Variants in DUS2 observed in about 807,000 individuals in gnomAD.
The protein encoded by DUS2 is tRNA-dihydrouridine(20) synthase [NAD(P)+]-like.
DUS2 carries 52 observed loss-of-function variants against 71.3 expected under a neutral mutation model. That is an observed-to-expected ratio of 0.73 (90% CI 0.58 to 0.92). DUS2 has a LOEUF of 0.92. DUS2 is among the 40% of genes least tolerant of loss of function. The pLI is 0.00. For synonymous variants in DUS2, 204 were observed against 227.8 expected (o/e 0.90, Z 0.94); for missense variants, 558 against 622.6 (o/e 0.90, Z 1.10).
At chr16:68,038,224 A>T (rs2033564070) in intron 3 of DUS2, 75 bp downstream of exon 3, 10 of 1,586,092 alleles carry the variant, frequency 6.3e-6, no homozygotes, top group Admixed American at 1.8e-5. Context: ...GGGAGTGGTC[A>T]GGAGTTAGTG....
intron 3 of DUS2, among the ~76,000 whole-genome samples, chr16:68,044,854 G>A (rs548210708): frequency 1.6e-3 from 235 of 151,134 alleles, no homozygotes; most frequent in Non-Finnish European, 2.9e-3. Context: ...GTGCAGTGGC[G>A]CAATCTCAGC....
chr16:68,025,790 C>A (rs2151405920), intron 2 of DUS2, among the ~76,000 whole-genome samples: 1 of 152,166 alleles, frequency 6.6e-6, no homozygotes, highest in African/African-American at 2.4e-5. Flanking sequence ...GGAAAGGTAT[C>A]CTTATTGTGA....
intron 12 of DUS2, among the ~76,000 whole-genome samples, chr16:68,073,239 T>C (rs1278732862): frequency 1.3e-5 from 2 of 152,208 alleles, no homozygotes; most frequent in Non-Finnish European, 2.9e-5. Context: ...GAAGAGTAGA[T>C]GACCAAGGTC....
At chr16:68,030,523 G>A (rs1472514799) in intron 2 of DUS2, among the ~76,000 whole-genome samples, 6 of 152,032 alleles carry the variant, frequency 3.9e-5, no homozygotes, top group Non-Finnish European at 7.4e-5. Flanking sequence ...CCTCGGAGGT[G>A]GAGATTGCAG....
Position 68,078,758 on chromosome 16 carries a change from C to T in DUS2, c.1254C>T (p.Ser418=), listed in dbSNP as rs867099742. The change falls in exon 17 of 17, where the codon TCC becomes TCT. Residue 418 remains serine, a synonymous_variant. Coordinates refer to ENST00000565263, the MANE Select transcript of DUS2 (RefSeq NM_017803.5). ...QKYQSTLWDK[S]KKLAEQAAAI... is the part of the protein sequence containing the mutation. ...CCCTCTGTCTGCTCAGGGACAAGTCCAAGAAACTGGCGGAGCAGGCTGCAG... is the reference window on the plus strand; with the variant it reads ...CCCTCTGTCTGCTCAGGGACAAGTCTAAGAAACTGGCGGAGCAGGCTGCAG... The T allele has an allele frequency of 1.2e-6, 2 of 1,607,696 alleles. No homozygotes were observed. Among genetic ancestry groups the T allele is most frequent in the Middle Eastern group, 3.3e-4 (2 of 6,002 alleles).
In DUS2 at chr16:68,023,298, A is replaced by T. The variant is rs551467589; in HGVS notation, c.-152A>T. 2 of 1,380,120 alleles carry T rather than the reference A, an allele frequency of 1.4e-6. No individual in the cohort carries two copies. The highest frequency in any genetic ancestry group is 2.0e-6 in the Non-Finnish European group (2 of 1,022,860). The allele number at this position is 1,380,120 out of a possible 1,614,324, so 85.5% of individuals were successfully genotyped here. On this transcript the variant is annotated 5_prime_UTR_variant, in exon 1 of 17. Transcript: ENST00000565263. ...TGGCGAGGCTCAGTACGGTGTGTGG[A>T]GCTGGAGCACCGTGAGGAAGAAGCG...
intron 4 of DUS2, among the ~76,000 whole-genome samples, chr16:68,052,628 A>G (rs1373531298): frequency 6.6e-6 from 1 of 151,928 alleles, no homozygotes; most frequent in Non-Finnish European, 1.5e-5. Flanking sequence ...AAACATAGAC[A>G]AACTTCCATG....
rs994600343 is a variant in DUS2 at position 68,049,384 on chromosome 16, T to A, written c.127-121T>A. On this transcript the variant is annotated intron_variant, in intron 3 of 16. Transcript: ENST00000565263. ...ATAGCACTACATGTCCCAAAAGCCG[T>A]GGTTTGTTCTTGGTAGTAGGGCGAC... 10 of 940,666 alleles carry A rather than the reference T, an allele frequency of 1.1e-5. No individual in the cohort carries two copies. In the African/African-American group the frequency reaches 1.6e-4, roughly 15 times the overall value. 58.3% of individuals were successfully genotyped at this position (940,666 alleles called of 1,614,324 possible).
chr16:68,070,073 T>C, intron 10 of DUS2, 61 bp from the exon 11 acceptor site: 4 of 1,481,226 alleles, frequency 2.7e-6, no homozygotes, highest in Non-Finnish European at 3.8e-6. Context: ...GAGGTAACCC[T>C]GTGTGAGTGG....
intron 12 of DUS2, 100 bp from the exon 13 acceptor site, chr16:68,073,934 A>G (rs1440022940): frequency 4.7e-6 from 7 of 1,478,742 alleles, no homozygotes; most frequent in Non-Finnish European, 6.5e-6. Context: ...GGCTACACAT[A>G]CATCTCTGGT....
intron 15 of DUS2, 78 bp downstream of exon 15, chr16:68,076,797 G>C (rs1165859447): frequency 1.5e-6 from 2 of 1,354,402 alleles, no homozygotes; most frequent in Non-Finnish European, 2.1e-6. Flanking sequence ...TAGATTGCCA[G>C]GCTGGAGCCT....
intron 15 of DUS2, 48 bp from the exon 16 acceptor site, chr16:68,078,397 A>T: frequency 6.4e-7 from 1 of 1,572,082 alleles, no homozygotes; most frequent in Non-Finnish European, 8.8e-7. Context: ...AGTTTGGCCT[A>T]CAGGGCTCAT....
intron 2 of DUS2, among the ~76,000 whole-genome samples, chr16:68,035,517 T>C (rs867051976): frequency 6.6e-6 from 1 of 151,812 alleles, no homozygotes; most frequent in African/African-American, 2.4e-5. Flanking sequence ...CAAATTACTC[T>C]GACCATAGGC....
intron 6 of DUS2, among the ~76,000 whole-genome samples, chr16:68,055,694 C>T (rs1337176608): frequency 6.6e-6 from 1 of 151,968 alleles, no homozygotes; most frequent in African/African-American, 2.4e-5. Context: ...CACATACTGA[C>T]ATCTTAGTAA....
chr16:68,035,929 T>TATATATATATATACATAC (rs1416625748), intron 2 of DUS2, among the ~76,000 whole-genome samples: 1 of 108,576 alleles, frequency 9.2e-6, no homozygotes, highest in African/African-American at 3.9e-5. Context: ...TATATATATA[T>TATATATATATATACATAC]ACACACATAC....
chr16:68,028,481 T>C (rs1330339381), intron 2 of DUS2, among the ~76,000 whole-genome samples: 1 of 151,264 alleles, frequency 6.6e-6, no homozygotes, highest in Non-Finnish European at 1.5e-5. Flanking sequence ...TAAAAAAAAA[T>C]ACAAAAAATT....
At chr16:68,053,512 G>A (rs373017501) in intron 4 of DUS2, 52 bp from the exon 5 acceptor site, 239 of 1,574,656 alleles carry the variant, frequency 1.5e-4, no homozygotes, top group Non-Finnish European at 1.8e-4. Context: ...TTAGGCTAGC[G>A]TTGAACTTGC....
chr16:68,038,190 A>G (rs943635708), intron 3 of DUS2, 41 bp downstream of exon 3: 2 of 1,609,338 alleles, frequency 1.2e-6, no homozygotes, highest in Admixed American at 3.4e-5. Context: ...CTCCACAAGT[A>G]CAGACTCCTC....
intron 3 of DUS2, among the ~76,000 whole-genome samples, chr16:68,042,392 T>A (rs2033638116): frequency 6.6e-6 from 1 of 152,222 alleles, no homozygotes; most frequent in African/African-American, 2.4e-5. Context: ...GAAGTGGGAT[T>A]GCTAGATCAT....
Sources: allele counts gnomAD v4.1 joint callset (sites outside exome capture counted in the v4.1 genomes callset), GRCh38; gene constraint gnomAD v4.1.1; transcripts MANE v1.5; gene names NCBI Gene and HGNC (gene_info 2026-07-23, HGNC 2026-07-21).